RBM10: variants seen among roughly 807,000 people sequenced by gnomAD.
RBM10 encodes RNA binding motif protein 10.
RBM10 carries 1 observed loss-of-function variant against 84.9 expected under a neutral mutation model. The ratio of observed to expected loss-of-function variants is 0.01; its 90% CI spans 0.00 to 0.06. The LOEUF is 0.06. RBM10 is among the 10% of genes least tolerant of loss of function. The pLI, the probability that RBM10 is intolerant of heterozygous loss-of-function variation, is 1.00. For synonymous variants in RBM10, 326 were observed against 344.5 expected (o/e 0.95, Z 0.60); for missense variants, 438 against 839.0 (o/e 0.52, Z 5.90).
At chrX:47,160,538 C>T (rs1405648548) in intron 2 of RBM10, among the ~76,000 whole-genome samples, 2 of 110,795 alleles carry the variant, frequency 1.8e-5, no homozygotes, top group African/African-American at 3.3e-5. Flanking sequence ...CAAATCAAAA[C>T]CACAAGGAGA....
chrX:47,161,327 T>G (rs1602524545), intron 2 of RBM10, among the ~76,000 whole-genome samples: 1 of 111,283 alleles, frequency 9.0e-6, no homozygotes, highest in South Asian at 3.7e-4. Flanking sequence ...ATTGTAACTA[T>G]TATTTATTGA....
chrX:47,173,251 A>T, intron 5 of RBM10, 54 bp downstream of exon 5: 2 of 1,192,596 alleles, frequency 1.7e-6, no homozygotes, highest in Non-Finnish European at 2.3e-6. Flanking sequence ...CAGCCTCCGA[A>T]TCTCCCTCCT....
intron 16 of RBM10, 44 bp downstream of exon 16, chrX:47,182,086 G>T (rs1556780120): frequency 9.1e-6 from 11 of 1,208,818 alleles, no homozygotes; most frequent in Non-Finnish European, 1.2e-5. Flanking sequence ...GTCAGGTCGC[G>T]TCAGGAACAG....
intron 2 of RBM10, among the ~76,000 whole-genome samples, chrX:47,154,243 C>T (rs1932915598): frequency 1.8e-5 from 2 of 111,433 alleles, no homozygotes; most frequent in South Asian, 7.5e-4. Context: ...GGTGTTTGTT[C>T]AGAGTGCTTT....
intron 2 of RBM10, among the ~76,000 whole-genome samples, chrX:47,166,756 G>A (rs979588231): frequency 9.4e-5 from 10 of 106,583 alleles, no homozygotes; most frequent in African/African-American, 3.4e-4. Context: ...TACAGGATGA[G>A]CCATCTCACC....
intron 7 of RBM10, 93 bp downstream of exon 7, chrX:47,176,679 ATC>A: frequency 9.4e-7 from 1 of 1,067,435 alleles, no homozygotes; most frequent in Non-Finnish European, 1.2e-6. Context: ...TTCTCCCTCC[ATC>A]TCTCCCCCTC....
intron 1 of RBM10, among the ~76,000 whole-genome samples, chrX:47,146,006 T>C (rs1375623285): frequency 1.8e-5 from 2 of 108,869 alleles, no homozygotes; most frequent in East Asian, 5.9e-4. Flanking sequence ...GGGACGACTG[T>C]CTTTTGATTG....
intron 2 of RBM10, among the ~76,000 whole-genome samples, chrX:47,149,848 T>C (rs1424383731): frequency 9.7e-6 from 1 of 103,206 alleles, no homozygotes; most frequent in East Asian, 3.1e-4. Flanking sequence ...GAGACGGAGT[T>C]TCGCTCTTGT....
At chrX:47,167,971 C>G (rs1934356820) in intron 2 of RBM10, among the ~76,000 whole-genome samples, 1 of 112,056 alleles carries the variant, frequency 8.9e-6, no homozygotes, top group Non-Finnish European at 1.9e-5. Context: ...ATTGCTTTAG[C>G]TAGTGTCTTT....
At chrX:47,157,152 G>A (rs868934667) in intron 2 of RBM10, 2 of 254,544 alleles carry the variant, frequency 7.9e-6, no homozygotes, top group South Asian at 8.3e-5. Context: ...ATCTTGTCCA[G>A]CTCCATCAGG....
intron 9 of RBM10, 42 bp from the exon 10 acceptor site, chrX:47,179,838 G>T: frequency 1.7e-6 from 2 of 1,175,735 alleles, no homozygotes; most frequent in Non-Finnish European, 2.3e-6. Context: ...GGGCTGGCAA[G>T]AGTGCCAGGG....
At chrX:47,147,310 C>G (rs1556762356) in intron 1 of RBM10, 47 bp from the exon 2 acceptor site, 20 of 1,135,241 alleles carry the variant, frequency 1.8e-5, no homozygotes, top group Non-Finnish European at 2.4e-5. Context: ...AGGAGGCCCT[C>G]TCAGTCCCAA....
At chrX:47,156,123 A>G (rs1933124499) in intron 2 of RBM10, among the ~76,000 whole-genome samples, 1 of 110,435 alleles carries the variant, frequency 9.1e-6, no homozygotes, top group Non-Finnish European at 1.9e-5. Flanking sequence ...AGATTCTACT[A>G]TTAACGTTTT....
At chrX:47,165,219 T>C (rs1228486291) in intron 2 of RBM10, among the ~76,000 whole-genome samples, 1 of 111,614 alleles carries the variant, frequency 9.0e-6, no homozygotes, top group African/African-American at 3.3e-5. Flanking sequence ...CTGAATTAGA[T>C]AATTAAGAAT....
At position 47,180,238 on chromosome X, in the gene RBM10, G is replaced by A. The variant is rs2147176977; in HGVS notation, c.1089G>A (p.Leu363=). 1 of 1,203,507 alleles carries A rather than the reference G, an allele frequency of 8.3e-7. No individual in the cohort carries two copies. Among genetic ancestry groups the A allele is most frequent in the Non-Finnish European group, 1.1e-6 (1 of 891,001 alleles). Residue 363 remains leucine, a synonymous_variant, in exon 11 of 24, where the codon CTG becomes CTA. Coordinates refer to ENST00000377604, the MANE Select transcript of RBM10 (RefSeq NM_005676.5). ...IVEAAQLLQI[L]QALHPPLTID... is the part of the protein sequence containing the mutation. ...AGGCAGCCCAGCTGCTGCAGATCCT[G>A]CAGGCCCTGCACCCACCACTCACTA...
intron 17 of RBM10, among the ~76,000 whole-genome samples, chrX:47,184,140 A>G (rs1188290408): frequency 9.1e-6 from 1 of 109,369 alleles, no homozygotes; most frequent in African/African-American, 3.3e-5. Flanking sequence ...GATTAAATTT[A>G]TCTTTTGAGA....
chrX:47,170,138 C>A (rs918876906), intron 3 of RBM10, among the ~76,000 whole-genome samples: 1 of 113,646 alleles, frequency 8.8e-6, no homozygotes, highest in East Asian at 2.8e-4. Context: ...GGCAGCTCTC[C>A]TGTCCAGCAG....
At chrX:47,182,074 G>A (rs1935590148) in intron 16 of RBM10, 32 bp downstream of exon 16, 3 of 1,210,938 alleles carry the variant, frequency 2.5e-6, no homozygotes, top group Non-Finnish European at 1.1e-6. Flanking sequence ...GGATGGGATC[G>A]GGTCAGGTCG....
chrX:47,145,468 A>G lies in RBM10; in HGVS notation c.-143A>G, dbSNP rs1556761624. The G allele has an allele frequency of 8.7e-7, 1 of 1,153,090 alleles. No homozygotes were observed. Among genetic ancestry groups the G allele is most frequent in the Admixed American group, 2.6e-5 (1 of 38,547 alleles). Reference sequence around the variant, plus strand: ...GGTGATGTCTGGGAGCCCTTCCTTGACAGCCCGGGCCGAGAAGGTGAGCGT... The same window carrying G: ...GGTGATGTCTGGGAGCCCTTCCTTGGCAGCCCGGGCCGAGAAGGTGAGCGT... On this transcript the variant is annotated 5_prime_UTR_variant, in exon 1 of 24. Coordinates refer to ENST00000377604, the MANE Select transcript of RBM10 (RefSeq NM_005676.5).
Sources: gnomAD v4.1 joint callset for allele counts (sites outside exome capture counted in the v4.1 genomes callset) on GRCh38, gnomAD v4.1.1 for gene constraint, MANE v1.5 for transcripts, NCBI Gene and HGNC (gene_info 2026-07-23, HGNC 2026-07-21) for gene names.